ERBB4: variants seen among roughly 807,000 people sequenced by gnomAD.
ERBB4 encodes the protein receptor tyrosine-protein kinase erbB-4.
Under a neutral mutation model 158.0 loss-of-function variants are expected in ERBB4, and 42 were observed. The ratio of observed to expected loss-of-function variants is 0.27; its 90% CI spans 0.21 to 0.34. The LOEUF is 0.34. Ranked by LOEUF, ERBB4 falls within the 10% of genes least tolerant of loss-of-function variation. ERBB4 has a pLI of 1.00. For missense variants in ERBB4, 1,333 were observed against 1,624.1 expected, an observed-to-expected ratio of 0.82 and a Z score of 3.08; for synonymous variants, 583 against 558.7, an observed-to-expected ratio of 1.04 and a Z score of -0.61.
At chr2:211,969,125 G>A (rs1297766861) in intron 2 of ERBB4, among the ~76,000 whole-genome samples, 1 of 151,962 alleles carries the variant, frequency 6.6e-6, no homozygotes, top group Non-Finnish European at 1.5e-5. Flanking sequence ...AAGGTAGAAA[G>A]TAAAATAAAC....
intron 2 of ERBB4, among the ~76,000 whole-genome samples, chr2:212,086,796 G>A (rs1028473019): frequency 6.6e-6 from 1 of 151,984 alleles, no homozygotes; most frequent in African/African-American, 2.4e-5. Context: ...TTAGGAGAAG[G>A]GAGATCATAG....
chr2:211,982,766 C>A (rs925482042), intron 2 of ERBB4, among the ~76,000 whole-genome samples: 2 of 152,032 alleles, frequency 1.3e-5, no homozygotes, highest in African/African-American at 2.4e-5. Context: ...AATGGAGGTG[C>A]AAATGATTCC....
chr2:211,857,988 C>G (rs533493678), intron 3 of ERBB4, among the ~76,000 whole-genome samples: 12 of 152,080 alleles, frequency 7.9e-5, no homozygotes, highest in Admixed American at 7.9e-4. Flanking sequence ...ATAGATGGCA[C>G]GATGAATGTA....
At chr2:212,524,499 A>G (rs1013357776) in intron 1 of ERBB4, among the ~76,000 whole-genome samples, 1 of 151,980 alleles carries the variant, frequency 6.6e-6, no homozygotes, top group Admixed American at 6.6e-5. Flanking sequence ...TATAGACACA[A>G]ATGACCCATC....
intron 20 of ERBB4, among the ~76,000 whole-genome samples, chr2:211,554,820 C>T (rs993553404): frequency 2.0e-5 from 3 of 152,182 alleles, no homozygotes; most frequent in African/African-American, 7.2e-5. Context: ...CAAAGCTGAA[C>T]CCATACATGG....
chr2:212,074,106 T>C (rs1350638189), intron 2 of ERBB4, among the ~76,000 whole-genome samples: 4 of 152,012 alleles, frequency 2.6e-5, no homozygotes, highest in African/African-American at 4.8e-5. Context: ...TCAAATAGTG[T>C]AGGCAAAAAT....
chr2:212,217,145 T>C lies in ERBB4; in HGVS notation c.83-92242A>G, dbSNP rs138586120. Among the ~76,000 whole-genome samples, 547 of 151,534 alleles carry C rather than the reference T, an allele frequency of 3.6e-3. 3 individuals carry two copies. The highest frequency in any genetic ancestry group is 0.012 in the African/African-American group (483 of 41,494). On this transcript the variant is annotated intron_variant, in intron 1 of 27. Coordinates refer to ENST00000342788, the MANE Select transcript of ERBB4 (RefSeq NM_005235.3). Reference sequence around the variant, plus strand: ...CTTGGATGCTAGAATATAATTTTCATTGACTGTTGTTTTGACAGTGAAAAA... The same window carrying C: ...CTTGGATGCTAGAATATAATTTTCACTGACTGTTGTTTTGACAGTGAAAAA...
intron 5 of ERBB4, among the ~76,000 whole-genome samples, chr2:211,734,909 C>G (rs1266699230): frequency 5.8e-5 from 4 of 69,300 alleles, no homozygotes; most frequent in Admixed American, 1.8e-4. Context: ...GAGACTCTGT[C>G]AAAAAAAAAA....
At chr2:212,516,299 ATTATT>A (rs1276805955) in intron 1 of ERBB4, among the ~76,000 whole-genome samples, 3 of 152,040 alleles carry the variant, frequency 2.0e-5, no homozygotes, top group Admixed American at 1.3e-4. Flanking sequence ...TCTGAAATAT[ATTATT>A]TTAATAATAA....
chr2:211,779,708 G>A (rs1007565102), intron 4 of ERBB4: 21 of 152,216 alleles, frequency 1.4e-4, no homozygotes, highest in Admixed American at 5.2e-4. Context: ...AATTTAGAGC[G>A]GCTTTATGGC....
At chr2:212,389,929 T>C (rs1281710858) in intron 1 of ERBB4, among the ~76,000 whole-genome samples, 2 of 151,262 alleles carry the variant, frequency 1.3e-5, no homozygotes, top group Admixed American at 6.6e-5. Context: ...GTCTGTCTTA[T>C]TAAAAAAAAA....
At chr2:211,774,053 C>T (rs529965793) in intron 4 of ERBB4, among the ~76,000 whole-genome samples, 39 of 151,442 alleles carry the variant, frequency 2.6e-4, no homozygotes, top group African/African-American at 7.7e-4. Context: ...TGTTCAGATG[C>T]TCTGTGGTCA....
chr2:212,495,990 T>G (rs1239486771), intron 1 of ERBB4, among the ~76,000 whole-genome samples: 2 of 152,152 alleles, frequency 1.3e-5, no homozygotes, highest in East Asian at 3.8e-4. Flanking sequence ...TGGTATTACT[T>G]GATACGGCAT....
At chr2:212,346,964 AT>A (rs1205195284) in intron 1 of ERBB4, among the ~76,000 whole-genome samples, 1 of 152,136 alleles carries the variant, frequency 6.6e-6, no homozygotes, top group African/African-American at 2.4e-5. Flanking sequence ...CTTATTGAAA[AT>A]AAAACCATGT....
At chr2:212,404,312 A>C (rs1286942524) in intron 1 of ERBB4, among the ~76,000 whole-genome samples, 1 of 151,978 alleles carries the variant, frequency 6.6e-6, no homozygotes, top group Non-Finnish European at 1.5e-5. Flanking sequence ...ATTTTTCAAA[A>C]CTTAGATCAA....
intron 3 of ERBB4, among the ~76,000 whole-genome samples, chr2:211,861,929 A>T (rs2078066792): frequency 6.8e-6 from 1 of 146,290 alleles, no homozygotes; most frequent in Non-Finnish European, 1.5e-5. Context: ...CTTTTAAAAA[A>T]TTTTAAAGCA....
At chr2:212,335,127 C>A (rs1307958786) in intron 1 of ERBB4, among the ~76,000 whole-genome samples, 1 of 151,814 alleles carries the variant, frequency 6.6e-6, no homozygotes, top group African/African-American at 2.4e-5. Context: ...GATATATATG[C>A]CTCTGTAACC....
At chr2:211,413,391 C>A (rs555892095) in intron 25 of ERBB4, among the ~76,000 whole-genome samples, 11 of 149,868 alleles carry the variant, frequency 7.3e-5, no homozygotes, top group African/African-American at 2.7e-4. Flanking sequence ...AAACAAAAGC[C>A]CTTGTCATAG....
intron 1 of ERBB4, among the ~76,000 whole-genome samples, chr2:212,472,800 G>A (rs1395378780): frequency 1.3e-5 from 2 of 151,806 alleles, no homozygotes; most frequent in Admixed American, 1.3e-4. Context: ...TATCATAGAA[G>A]AGCAGCACCA....
Sources: gnomAD v4.1 joint callset for allele counts (sites outside exome capture counted in the v4.1 genomes callset) on GRCh38, gnomAD v4.1.1 for gene constraint, MANE v1.5 for transcripts, NCBI Gene and HGNC (gene_info 2026-07-23, HGNC 2026-07-21) for gene names.